The following KSR2 variants were observed in gnomAD, a reference collection of about 807,000 sequenced individuals.
KSR2 encodes kinase suppressor of ras 2.
In KSR2, 25 loss-of-function variants were observed where a neutral mutation model predicts 107.8. That is an observed-to-expected ratio of 0.23 (90% CI 0.17 to 0.32). The LOEUF is 0.32. KSR2 is among the 10% of genes least tolerant of loss of function. The probability of loss-of-function intolerance (pLI) is 1.00; values close to 1 mark genes in which losing one functional copy is unlikely to be tolerated. For missense variants in KSR2, 887 were observed against 1,268.9 expected (o/e 0.70, Z 4.57); for synonymous variants, 480 against 507.0 (o/e 0.95, Z 0.71).
chr12:117,904,688 T>C (rs1566075662), intron 1 of KSR2, among the ~76,000 whole-genome samples: 1 of 152,140 alleles, frequency 6.6e-6, no homozygotes, highest in African/African-American at 2.4e-5. Context: ...GGTGAGAACA[T>C]AGTGGCTTTA....
intron 1 of KSR2, among the ~76,000 whole-genome samples, chr12:117,927,720 C>A (rs547343103): frequency 6.6e-6 from 1 of 152,070 alleles, no homozygotes; most frequent in South Asian, 2.1e-4. Flanking sequence ...AGGAACCAGG[C>A]CTTTCCTAGG....
At chr12:117,685,699 T>C (rs773216629) in intron 4 of KSR2, among the ~76,000 whole-genome samples, 8 of 152,064 alleles carry the variant, frequency 5.3e-5, no homozygotes, top group Non-Finnish European at 1.2e-4. Context: ...GAAGAGGAAA[T>C]AGCTGCATCC....
At chr12:117,691,672 C>A (rs1043240976) in intron 4 of KSR2, among the ~76,000 whole-genome samples, 6 of 152,234 alleles carry the variant, frequency 3.9e-5, no homozygotes, top group African/African-American at 1.4e-4. Flanking sequence ...TGGCTGGCTC[C>A]AGCACTATCT....
rs570780147 is a variant in KSR2, at chr12:117,876,097, A to G, written c.181-15666T>C. 2.0e-4 allele frequency among the ~76,000 whole-genome samples: 31 copies of G among 152,320 alleles called. No homozygotes were observed. The South Asian group carries it at 5.8e-3, about 29-fold the overall frequency. ...GACCGGGTCCCTGGTTGTGTTATTA[A>G]GGTTCTCGGGTGAGCAGACCCCGTG... On this transcript the variant is annotated intron_variant, in intron 1 of 19. Transcript: ENST00000339824.
At chr12:117,667,710 A>C in intron 4 of KSR2, 52 bp from the exon 5 acceptor site, 3 of 1,434,520 alleles carry the variant, frequency 2.1e-6, no homozygotes, top group Non-Finnish European at 2.8e-6. Flanking sequence ...TAGGTGCACA[A>C]AGTTACAGCA....
intron 1 of KSR2, among the ~76,000 whole-genome samples, chr12:117,874,594 C>G (rs565667529): frequency 4.3e-4 from 66 of 152,172 alleles, no homozygotes; most frequent in African/African-American, 1.4e-3. Context: ...GAATTGTGCC[C>G]GTGATCACAC....
Position 117,524,890 on chromosome 12 carries a change from A to G in KSR2, c.2181T>C (p.Gly727=). The change falls in exon 14 of 20, where the codon GGT becomes GGC. Residue 727 remains glycine (G), a synonymous_variant. Transcript: ENST00000339824. ...CCAGGTGAGGCGGGCTCATGCAGGCACCCATGAAAAGCACCACGTTCTCAT... is the reference window on the plus strand; with the variant it reads ...CCAGGTGAGGCGGGCTCATGCAGGCGCCCATGAAAAGCACCACGTTCTCAT... ...TRHENVVLFM[G]ACMSPPHLAI... is the part of the protein sequence containing the mutation. The G allele has an allele frequency of 6.2e-7, 1 of 1,613,244 alleles. No homozygotes were observed. The highest frequency in any genetic ancestry group is 8.5e-7 in the Non-Finnish European group (1 of 1,179,536).
At chr12:117,668,140 GCCCTT>G (rs1205583905) in intron 4 of KSR2, among the ~76,000 whole-genome samples, 1 of 152,314 alleles carries the variant, frequency 6.6e-6, no homozygotes, top group Non-Finnish European at 1.5e-5. Flanking sequence ...CAAATCCACT[GCCCTT>G]CCTCCATGTA....
intron 5 of KSR2, among the ~76,000 whole-genome samples, chr12:117,622,464 G>A (rs1027170133): frequency 6.6e-6 from 1 of 152,078 alleles, no homozygotes; most frequent in Non-Finnish European, 1.5e-5. Flanking sequence ...TATTCTCAAT[G>A]AGCCTATTTG....
intron 5 of KSR2, among the ~76,000 whole-genome samples, chr12:117,594,307 A>G (rs1880509125): frequency 6.6e-6 from 1 of 152,178 alleles, no homozygotes; most frequent in Non-Finnish European, 1.5e-5. Context: ...CAGGTTTTCA[A>G]AAACCCAAGA....
At chr12:117,506,271 A>G (rs955977930) in intron 14 of KSR2, among the ~76,000 whole-genome samples, 2 of 152,282 alleles carry the variant, frequency 1.3e-5, no homozygotes, top group East Asian at 1.9e-4. Context: ...TTCAGATGCA[A>G]TTTCGTGAAT....
chr12:117,730,465 G>A (rs1443395829), intron 4 of KSR2, among the ~76,000 whole-genome samples: 1 of 12,862 alleles, frequency 7.8e-5, no homozygotes, highest in African/African-American at 3.1e-4. Flanking sequence ...CCTCTCCCTC[G>A]TCTCCCCTCT....
chr12:117,947,257 GAA>G (rs1491543555), intron 1 of KSR2, among the ~76,000 whole-genome samples: 1 of 118,882 alleles, frequency 8.4e-6, no homozygotes. Flanking sequence ...AAGAAAGAAA[GAA>G]GATAAACCAC....
At chr12:117,679,719 G>C (rs1009658937) in intron 4 of KSR2, among the ~76,000 whole-genome samples, 1 of 152,116 alleles carries the variant, frequency 6.6e-6, no homozygotes, top group Non-Finnish European at 1.5e-5. Context: ...CCTGGGTTAT[G>C]GCTAGGGCAT....
chr12:117,669,419 C>T (rs750014203), intron 4 of KSR2, among the ~76,000 whole-genome samples: 1 of 152,046 alleles, frequency 6.6e-6, no homozygotes, highest in Non-Finnish European at 1.5e-5. Context: ...CTACCCTGTC[C>T]AATAACAGAG....
At chr12:117,887,784 C>G (rs991257905) in intron 1 of KSR2, among the ~76,000 whole-genome samples, 1 of 152,116 alleles carries the variant, frequency 6.6e-6, no homozygotes, top group African/African-American at 2.4e-5. Flanking sequence ...CCAATGTTTC[C>G]TTTCATGCAT....
At chr12:117,792,734 C>T (rs1890299192) in intron 3 of KSR2, among the ~76,000 whole-genome samples, 1 of 152,204 alleles carries the variant, frequency 6.6e-6, no homozygotes, top group Admixed American at 6.5e-5. Context: ...TGGGATATGT[C>T]ATAATGTGAT....
chr12:117,497,243 T>A (rs951675086), intron 14 of KSR2, among the ~76,000 whole-genome samples: 3 of 152,170 alleles, frequency 2.0e-5, no homozygotes, highest in Admixed American at 2.0e-4. Flanking sequence ...GACTCTTTGC[T>A]CGAATGAGCT....
chr12:117,648,063 T>C (rs1044364595), intron 5 of KSR2, among the ~76,000 whole-genome samples: 3 of 152,154 alleles, frequency 2.0e-5, no homozygotes, highest in East Asian at 1.9e-4. Context: ...GCAAGGGACA[T>C]ACCATTTATG....
Sources: allele counts gnomAD v4.1 joint callset (sites outside exome capture counted in the v4.1 genomes callset), GRCh38; gene constraint gnomAD v4.1.1; transcripts MANE v1.5; gene names NCBI Gene and HGNC (gene_info 2026-07-23, HGNC 2026-07-21).